The following BCL9L variants were observed in gnomAD, a reference collection of about 807,000 sequenced individuals.
The protein encoded by BCL9L is BCL9 like, also known as B-cell CLL/lymphoma 9-like protein.
A neutral mutation model predicts 99.4 loss-of-function variants in BCL9L; 19 were observed. That is an observed-to-expected ratio of 0.19 (90% CI 0.13 to 0.28). The LOEUF (loss-of-function observed/expected upper bound fraction) is 0.28, where lower values mean the gene tolerates loss of function less well. Ranked by LOEUF, BCL9L falls within the 10% of genes least tolerant of loss-of-function variation. The pLI is 1.00. For synonymous variants in BCL9L, 900 were observed against 854.8 expected, an observed-to-expected ratio of 1.05 and a Z score of -0.92; for missense variants, 2,023 against 2,101.6, an observed-to-expected ratio of 0.96 and a Z score of 0.73.
chr11:118,906,164 A>C (rs1262584502), intron 5 of BCL9L, among the ~76,000 whole-genome samples: 1 of 152,258 alleles, frequency 6.6e-6, no homozygotes, highest in African/African-American at 2.4e-5. Flanking sequence ...ACTGCACTCC[A>C]GCCTGGGTGT....
At position 118,901,119 on chromosome 11, in the gene BCL9L, C is replaced by T; in HGVS notation, c.2624G>A (p.Ser875Asn). The part of the protein sequence containing the change: ...NTQDMFSPDQ[S>N]SMPMSNVGTT... ...GCCCACGTTGCTCATGGGCATTGAG[C>T]TCTGATCAGGGCTGAACATGTCTTG... The change falls in exon 8 of 10, where the codon AGC becomes AAC. Residue 875 changes from serine to asparagine, a missense_variant. Coordinates refer to ENST00000683865, the MANE Select transcript of BCL9L (RefSeq NM_001378213.1). This position sits in a 1 kb window ranked among gnomAD's most constrained non-coding sequence, Gnocchi z 6.6. The T allele has an allele frequency of 5.6e-6, 9 of 1,611,716 alleles. No homozygotes were observed. Among genetic ancestry groups the T allele is most frequent in the Non-Finnish European group, 6.8e-6 (8 of 1,178,508 alleles).
intron 3 of BCL9L, 21 bp from the exon 4 acceptor site, chr11:118,908,676 T>C (rs1940641429): frequency 6.3e-6 from 10 of 1,590,952 alleles, no homozygotes; most frequent in East Asian, 2.2e-5. Context: ...GTGGGAGAAA[T>C]GTGAAAAGTT....
rs1308303159 is a variant in BCL9L, at chr11:118,899,513, AG to A, written c.3407-6del. The A allele has an allele frequency of 1.9e-6, 3 of 1,606,806 alleles. No individual in the cohort carries two copies. The highest frequency in any genetic ancestry group is 2.5e-6 in the Non-Finnish European group (3 of 1,178,148). Reference sequence around the variant, plus strand: ...TGGGCTGGCTGTTGCTGATCCCTGTAGGGAATAGAAGACAGGGGGTCAGGCA... The same window carrying A: ...TGGGCTGGCTGTTGCTGATCCCTGTAGGAATAGAAGACAGGGGGTCAGGCA... On this transcript the variant is annotated splice_polypyrimidine_tract_variant and splice_region_variant and intron_variant, in intron 9 of 9. Transcript: ENST00000683865.
chr11:118,901,362 A>G lies in BCL9L; in HGVS notation c.2381T>C (p.Met794Thr). 1 of 1,613,770 alleles carries G rather than the reference A, an allele frequency of 6.2e-7. No individual in the cohort carries two copies. The highest frequency in any genetic ancestry group is 8.5e-7 in the Non-Finnish European group (1 of 1,179,942). Residue 794 changes from methionine to threonine, a missense_variant, in exon 8 of 10, where the codon ATG becomes ACG. Transcript: ENST00000683865. The surrounding 1 kb of genome is among the most constrained non-coding windows in gnomAD (Gnocchi z 6.6). ...LNVQMTPQQQMLMSQKMRGPG... is the reference protein window; with the variant it reads ...LNVQMTPQQQTLMSQKMRGPG... Reference sequence around the variant, plus strand: ...GCCCCGCATCTTCTGCGACATCAGCATCTGCTGCTGCGGGGTCATCTGCAC... The same window carrying G: ...GCCCCGCATCTTCTGCGACATCAGCGTCTGCTGCTGCGGGGTCATCTGCAC...
In BCL9L at chr11:118,921,077, A is replaced by G. The variant is rs1391479282; in HGVS notation, c.-130-2198T>C. 2.0e-5 allele frequency among the ~76,000 whole-genome samples: 3 copies of G among 152,180 alleles called. No homozygotes were observed. The highest frequency in any genetic ancestry group is 6.5e-5 in the Admixed American group (1 of 15,282). On this transcript the variant is annotated intron_variant, in intron 1 of 9. Transcript: ENST00000683865. The surrounding 1 kb of genome is among the most constrained non-coding windows in gnomAD (Gnocchi z 5.4). The stretch of plus-strand genomic sequence containing the variant: ...ACACAGACACAACTCCCAAAGATGC[A>G]CATCCAAAGACGTTTCCTAAAAAGC...
chr11:118,897,860 C>CA lies in BCL9L; in HGVS notation c.*554dup. 1 of 457,118 alleles carries CA rather than the reference C, an allele frequency of 2.2e-6. No individual in the cohort carries two copies. The highest frequency in any genetic ancestry group is 1.5e-5 in the South Asian group (1 of 64,546). The allele number at this position is 457,118 out of a possible 1,614,324, so 28.3% of individuals were successfully genotyped here. The stretch of plus-strand genomic sequence containing the variant: ...TTTACAGCTCCGGCTGGCACCTGCC[C>CA]ACCTGGCCAGCCGCCTGCAGGGAGG... On this transcript the variant is annotated 3_prime_UTR_variant, in exon 10 of 10. Coordinates refer to ENST00000683865, the MANE Select transcript of BCL9L (RefSeq NM_001378213.1).
rs199751912 is a variant in BCL9L, at chr11:118,900,666, G to C, written c.3077C>G (p.Pro1026Arg). Reference sequence around the variant, plus strand: ...GGTGGAAGAGTTCATGTTGAGAGGCGGCTGCTTGTTCTGGGAGACCCCCGG... The same window carrying C: ...GGTGGAAGAGTTCATGTTGAGAGGCCGCTGCTTGTTCTGGGAGACCCCCGG... ...PSPGVSQNKQ[P>R]PLNMNSSTTL... The change falls in exon 8 of 10, where the codon CCG becomes CGG. Residue 1026 changes from proline (P) to arginine (R), a missense_variant. This residue lies in a region of BCL9L where 902 missense variants were observed against 888.2 expected (regional missense o/e 1.02). Coordinates refer to ENST00000683865, the MANE Select transcript of BCL9L (RefSeq NM_001378213.1). This position sits in a 1 kb window ranked among gnomAD's most constrained non-coding sequence, Gnocchi z 5.3. The C allele has an allele frequency of 1.9e-6, 3 of 1,613,062 alleles. No homozygotes were observed. The highest frequency in any genetic ancestry group is 2.5e-6 in the Non-Finnish European group (3 of 1,179,562).
rs2137718929 is a variant in BCL9L, at chr11:118,907,679, T to C, written c.413-77A>G. 17 of 1,578,314 alleles carry C rather than the reference T, an allele frequency of 1.1e-5. No individual in the cohort carries two copies. The Middle Eastern group carries it at 2.4e-3, about 219-fold the overall frequency. Reference sequence around the variant, plus strand: ...TCCCACACCCAGGGTCCCTCCCAGATCCATTCTCTAAGATGCCCCACCCTA... The same window carrying C: ...TCCCACACCCAGGGTCCCTCCCAGACCCATTCTCTAAGATGCCCCACCCTA... On this transcript the variant is annotated intron_variant, in intron 4 of 9. Transcript: ENST00000683865.
chr11:118,912,054 A>G (rs1940816688), intron 2 of BCL9L, among the ~76,000 whole-genome samples: 1 of 151,988 alleles, frequency 6.6e-6, no homozygotes, highest in Non-Finnish European at 1.5e-5. Flanking sequence ...CCGCAGGGCG[A>G]GCTGAGTCAA....
intron 5 of BCL9L, among the ~76,000 whole-genome samples, chr11:118,905,984 G>A (rs946729434): frequency 2.6e-5 from 4 of 152,140 alleles, no homozygotes; most frequent in Non-Finnish European, 5.9e-5. Context: ...CAAGGCATGA[G>A]GATCGCTTGA....
At chr11:118,910,100 C>T (rs763781953) in intron 2 of BCL9L, 85 bp from the exon 3 acceptor site, 1 of 943,802 alleles carries the variant, frequency 1.1e-6, no homozygotes, top group Non-Finnish European at 1.6e-6. Flanking sequence ...ACCCAACAGC[C>T]CTGGGACTAG....
rs986195067 is a variant in BCL9L at position 118,898,493 on chromosome 11, A to G, written c.4422T>C (p.Leu1474=). ...TGTCCAGGGACACACTGCGCTGCCG[A>G]AGGGGGTGGGACACCATGAGGTTCT... ...PQQNLMVSHP[L]RQRSVSLDSQ... is the part of the protein sequence containing the mutation. Residue 1474 remains leucine (L), a synonymous_variant, in exon 10 of 10, where the codon CTT becomes CTC. Coordinates refer to ENST00000683865, the MANE Select transcript of BCL9L (RefSeq NM_001378213.1). 6.2e-7 allele frequency: 1 copy of G among 1,603,274 alleles called. No homozygotes were observed. Among genetic ancestry groups the G allele is most frequent in the African/African-American group, 1.3e-5 (1 of 74,886 alleles).
Position 118,898,311 on chromosome 11 carries a change from C to CCA in BCL9L, c.*102_*103dup. On this transcript the variant is annotated 3_prime_UTR_variant, in exon 10 of 10. Coordinates refer to ENST00000683865, the MANE Select transcript of BCL9L (RefSeq NM_001378213.1). ...CTACACAAGCCCCCTCCCACCCCCTCCACCCCACCCCGCGACCCAGGCCAT... is the reference window on the plus strand; with the variant it reads ...CTACACAAGCCCCCTCCCACCCCCTCCACACCCCACCCCGCGACCCAGGCCAT... 1 of 638,132 alleles carries CCA rather than the reference C, an allele frequency of 1.6e-6. No individual in the cohort carries two copies. The highest frequency in any genetic ancestry group is 4.5e-5 in the East Asian group (1 of 22,242). The allele number at this position is 638,132 out of a possible 1,614,324, so 39.5% of individuals were successfully genotyped here. A position where few individuals can be genotyped will look rare whatever the true frequency, so the allele number is the denominator to read the frequency against.
In BCL9L at chr11:118,903,203, G is replaced by A; in HGVS notation, c.749+33C>T. 2 of 1,584,438 alleles carry A rather than the reference G, an allele frequency of 1.3e-6. No individual in the cohort carries two copies. The highest frequency in any genetic ancestry group is 1.7e-6 in the Non-Finnish European group (2 of 1,165,282). On this transcript the variant is annotated intron_variant, in intron 6 of 9. Coordinates refer to ENST00000683865, the MANE Select transcript of BCL9L (RefSeq NM_001378213.1). The surrounding 1 kb of genome is among the most constrained non-coding windows in gnomAD (Gnocchi z 5.6). ...GGCTGAGAGGTGCTGGGCAGAGAGA[G>A]AGAGAGACTTGGCCTGCCCACCAGG...
intron 3 of BCL9L, 59 bp from the exon 4 acceptor site, chr11:118,908,714 C>A: frequency 2.0e-6 from 3 of 1,472,798 alleles, no homozygotes; most frequent in East Asian, 2.3e-5. Flanking sequence ...GGCATGCCTG[C>A]AACTTAATTA....
Position 118,898,300 on chromosome 11 carries a change from T to TC in BCL9L, c.*114dup. 2.2e-5 allele frequency: 4 copies of TC among 185,482 alleles called. No homozygotes were observed. Among genetic ancestry groups the TC allele is most frequent in the South Asian group, 4.7e-5 (1 of 21,474 alleles). 11.5% of individuals were successfully genotyped at this position (185,482 alleles called of 1,614,324 possible). On this transcript the variant is annotated 3_prime_UTR_variant, in exon 10 of 10. Coordinates refer to ENST00000683865, the MANE Select transcript of BCL9L (RefSeq NM_001378213.1). ...AATGCCACTCCCTACACAAGCCCCC[T>TC]CCCACCCCCTCCACCCCACCCCGCG...
rs540383108 is a variant in BCL9L, at chr11:118,903,352, G to T, written c.633C>A (p.His211Gln). ...CAGGCCGAAGGCCAGGAGGAGGGCC[G>T]TGCGGGGCGCCTGGCACGCTGCTCT... The part of the protein sequence containing the change: ...LSESSVPGAP[H>Q]GPPPGLRPDA... The change falls in exon 6 of 10, where the codon CAC becomes CAA. Residue 211 changes from histidine to glutamine, a missense_variant. By Grantham distance (24) the His-to-Gln change is conservative (BLOSUM62 0). Around this residue, in one of 3 missense-constraint regions of BCL9L, gnomAD observed 1,116 missense variants for 1,194.6 expected, o/e 0.93. Transcript: ENST00000683865. This position sits in a 1 kb window ranked among gnomAD's most constrained non-coding sequence, Gnocchi z 5.6. The T allele has an allele frequency of 1.9e-6, 3 of 1,601,184 alleles. No individual in the cohort carries two copies. The highest frequency in any genetic ancestry group is 3.4e-5 in the Admixed American group (2 of 58,326).
Position 118,910,021 on chromosome 11 carries a change from G to A in BCL9L, c.-76-6C>T, listed in dbSNP as rs1297533663. 6.3e-7 allele frequency: 1 copy of A among 1,595,300 alleles called. No homozygotes were observed. The highest frequency in any genetic ancestry group is 8.6e-7 in the Non-Finnish European group (1 of 1,166,284). Reference sequence around the variant, plus strand: ...ACTCGGTACTGGAGCACGGACTGCAGCAACAAGCCCCAAAGAGAAAACTCG... The same window carrying A: ...ACTCGGTACTGGAGCACGGACTGCAACAACAAGCCCCAAAGAGAAAACTCG... On this transcript the variant is annotated splice_polypyrimidine_tract_variant and splice_region_variant and intron_variant, in intron 2 of 9. Coordinates refer to ENST00000683865, the MANE Select transcript of BCL9L (RefSeq NM_001378213.1).
chr11:118,910,066 C>T, intron 2 of BCL9L, 51 bp from the exon 3 acceptor site: 1 of 1,307,448 alleles, frequency 7.6e-7, no homozygotes, highest in Admixed American at 2.0e-5. Context: ...GAGGGGGTGT[C>T]AGAGGGGGAG....
Sources: gnomAD v4.1 joint callset for allele counts (sites outside exome capture counted in the v4.1 genomes callset) on GRCh38, gnomAD v4.1.1 for gene constraint, gnomAD v4.1.1 regional missense constraint, Gnocchi (gnomAD v3.1) non-coding constraint, MANE v1.5 for transcripts, NCBI Gene and HGNC (gene_info 2026-07-23, HGNC 2026-07-21) for gene names.